Variants in GULP1 observed in about 807,000 individuals in gnomAD.
GULP1 encodes the protein GULP PTB domain containing engulfment adaptor 1, also known as PTB domain-containing engulfment adapter protein 1.
A neutral mutation model predicts 40.9 loss-of-function variants in GULP1; 19 were observed. The observed-to-expected ratio is 0.46, with a 90% CI of 0.32 to 0.68. GULP1 has a LOEUF of 0.68. GULP1 is among the 30% of genes least tolerant of loss of function. The probability of loss-of-function intolerance (pLI) is 0.03; values close to 1 mark genes in which losing one functional copy is unlikely to be tolerated. For missense variants in GULP1, 312 were observed against 362.2 expected, an observed-to-expected ratio of 0.86 and a Z score of 1.12; for synonymous variants, 119 against 117.6, an observed-to-expected ratio of 1.01 and a Z score of -0.08.
intron 2 of GULP1, among the ~76,000 whole-genome samples, chr2:188,448,103 G>A (rs1192150365): frequency 2.0e-5 from 3 of 152,202 alleles, no homozygotes; most frequent in African/African-American, 7.2e-5. Context: ...TTTGGATTCT[G>A]AAATAGTGGA....
chr2:188,505,164 T>G (rs2063783819), intron 4 of GULP1, among the ~76,000 whole-genome samples: 1 of 151,814 alleles, frequency 6.6e-6, no homozygotes, highest in Admixed American at 6.6e-5. Flanking sequence ...CTTCTGAACC[T>G]TATTGCTGCT....
intron 2 of GULP1, among the ~76,000 whole-genome samples, chr2:188,444,249 T>G (rs1213239398): frequency 6.6e-6 from 1 of 152,196 alleles, no homozygotes; most frequent in Non-Finnish European, 1.5e-5. Context: ...ACATATTGTA[T>G]TCTTGAAAAA....
At chr2:188,541,814 G>A (rs1575920695) in intron 7 of GULP1, 1 of 165,212 alleles carries the variant, frequency 6.1e-6, no homozygotes, top group East Asian at 1.7e-4. Context: ...TATGTTCATT[G>A]TATAAAAATC....
intron 2 of GULP1, among the ~76,000 whole-genome samples, chr2:188,423,994 GC>G (rs1412230642): frequency 2.0e-5 from 3 of 151,754 alleles, no homozygotes; most frequent in Non-Finnish European, 4.4e-5. Context: ...TCAGGAGGAA[GC>G]TGTGGTATTT....
chr2:188,559,070 CG>C (rs1553601138), intron 7 of GULP1, among the ~76,000 whole-genome samples: 1 of 152,138 alleles, frequency 6.6e-6, no homozygotes, highest in Non-Finnish European at 1.5e-5. Flanking sequence ...AATGAGGAGC[CG>C]AATGTTAATC....
chr2:188,302,969 C>CT (rs1211252762), intron 1 of GULP1, among the ~76,000 whole-genome samples: 2 of 152,164 alleles, frequency 1.3e-5, no homozygotes, highest in Non-Finnish European at 2.9e-5. Context: ...CCTAATTTTT[C>CT]TTACTCACTG....
intron 7 of GULP1, among the ~76,000 whole-genome samples, chr2:188,552,852 C>CATAT (rs142037706): frequency 4.0e-5 from 6 of 148,980 alleles, no homozygotes; most frequent in Non-Finnish European, 7.4e-5. Context: ...TAAATTTATT[C>CATAT]ATATATATAT....
At chr2:188,302,359 T>C (rs1467184431) in intron 1 of GULP1, among the ~76,000 whole-genome samples, 1 of 152,166 alleles carries the variant, frequency 6.6e-6, no homozygotes, top group Non-Finnish European at 1.5e-5. Context: ...AAATTCATAA[T>C]CTAATCAGTT....
intron 1 of GULP1, among the ~76,000 whole-genome samples, chr2:188,359,738 A>T (rs781334991): frequency 2.0e-5 from 3 of 152,118 alleles, no homozygotes; most frequent in Non-Finnish European, 4.4e-5. Context: ...GCCCCAAATA[A>T]CTGATTGCTC....
intron 2 of GULP1, among the ~76,000 whole-genome samples, chr2:188,466,984 A>T (rs898983200): frequency 6.6e-6 from 1 of 152,284 alleles, no homozygotes; most frequent in African/African-American, 2.4e-5. Flanking sequence ...AAGAAAAAAA[A>T]AAGTAGCAGC....
At chr2:188,297,555 A>T (rs1050331859) in intron 1 of GULP1, 5 of 439,754 alleles carry the variant, frequency 1.1e-5, no homozygotes, top group Non-Finnish European at 2.3e-5. Flanking sequence ...ACAAAGGCAA[A>T]GTTTAAGATC....
intron 7 of GULP1, among the ~76,000 whole-genome samples, chr2:188,544,953 A>G (rs1691516837): frequency 6.6e-6 from 1 of 152,038 alleles, no homozygotes; most frequent in South Asian, 2.1e-4. Context: ...AAGCTTCTGA[A>G]AACTAAAGAC....
chr2:188,376,958 G>C (rs905600904), intron 1 of GULP1, among the ~76,000 whole-genome samples: 1 of 152,156 alleles, frequency 6.6e-6, no homozygotes, highest in Non-Finnish European at 1.5e-5. Context: ...CAGATCATGA[G>C]GTCAGGATTT....
chr2:188,340,402 T>C (rs1252976722), intron 1 of GULP1, among the ~76,000 whole-genome samples: 1 of 152,098 alleles, frequency 6.6e-6, no homozygotes, highest in Non-Finnish European at 1.5e-5. Flanking sequence ...AGCCCATAGC[T>C]CTCTACCCCT....
At chr2:188,460,653 G>A (rs1005823521) in intron 2 of GULP1, among the ~76,000 whole-genome samples, 1 of 151,984 alleles carries the variant, frequency 6.6e-6, no homozygotes, top group Non-Finnish European at 1.5e-5. Flanking sequence ...TCTTTCTCTT[G>A]TCTGATTTCT....
intron 4 of GULP1, among the ~76,000 whole-genome samples, chr2:188,504,351 A>G (rs1332989102): frequency 6.6e-6 from 1 of 151,942 alleles, no homozygotes; most frequent in Non-Finnish European, 1.5e-5. Flanking sequence ...ACTAAGGAGA[A>G]CCATTTTTAA....
intron 9 of GULP1, among the ~76,000 whole-genome samples, chr2:188,571,165 T>A (rs1698955031): frequency 6.6e-6 from 1 of 152,028 alleles, no homozygotes; most frequent in South Asian, 2.1e-4. Flanking sequence ...TCAAAAAAAA[T>A]TAATATCTAA....
intron 9 of GULP1, among the ~76,000 whole-genome samples, chr2:188,572,204 G>A (rs1699195375): frequency 6.6e-6 from 1 of 152,186 alleles, no homozygotes; most frequent in Non-Finnish European, 1.5e-5. Flanking sequence ...GCCATTTCAA[G>A]TGGAAAGCAT....
At chr2:188,354,982 TGTTTCTG>T (rs200087567) in intron 1 of GULP1, among the ~76,000 whole-genome samples, 1,740 of 152,264 alleles carry the variant, frequency 0.011, 14 homozygotes, top group Non-Finnish European at 0.02. Flanking sequence ...GGCATTAAAA[TGTTTCTG>T]GAAACAAATG....
Sources: gnomAD v4.1 joint callset for allele counts (sites outside exome capture counted in the v4.1 genomes callset) on GRCh38, gnomAD v4.1.1 for gene constraint, MANE v1.5 for transcripts, NCBI Gene and HGNC (gene_info 2026-07-23, HGNC 2026-07-21) for gene names.